GALNTL6: variants seen among roughly 807,000 people sequenced by gnomAD.
GALNTL6 encodes the protein polypeptide N-acetylgalactosaminyltransferase like 6, also known as polypeptide N-acetylgalactosaminyltransferase-like 6.
A neutral mutation model predicts 73.7 loss-of-function variants in GALNTL6; 46 were observed. That is an observed-to-expected ratio of 0.62 (90% CI 0.49 to 0.80). GALNTL6 has a LOEUF of 0.80. Ranked by LOEUF, GALNTL6 falls within the 30% of genes least tolerant of loss-of-function variation. GALNTL6 has a pLI of 0.00. For synonymous variants in GALNTL6, 259 were observed against 263.7 expected (o/e 0.98, Z 0.17); for missense variants, 604 against 755.0 (o/e 0.80, Z 2.34).
At chr4:172,738,461 C>G (rs1736596456) in intron 5 of GALNTL6, among the ~76,000 whole-genome samples, 1 of 152,100 alleles carries the variant, frequency 6.6e-6, no homozygotes, top group African/African-American at 2.4e-5. Context: ...TCTACACCAC[C>G]ATTTTGGATA....
intron 7 of GALNTL6, among the ~76,000 whole-genome samples, chr4:172,852,254 A>G (rs1210210127): frequency 6.6e-6 from 1 of 152,084 alleles, no homozygotes; most frequent in African/African-American, 2.4e-5. Flanking sequence ...GGGCAGCCTT[A>G]TTTGAGGGGC....
chr4:172,939,652 C>A (rs920666172), intron 9 of GALNTL6, among the ~76,000 whole-genome samples: 12 of 152,160 alleles, frequency 7.9e-5, no homozygotes, highest in Admixed American at 5.9e-4. Context: ...GATCAAGCCG[C>A]CCCTTTGTGA....
chr4:172,961,460 G>A (rs1374628496), intron 10 of GALNTL6, among the ~76,000 whole-genome samples: 1 of 152,204 alleles, frequency 6.6e-6, no homozygotes, highest in Non-Finnish European at 1.5e-5. Context: ...AAGGGTGAAG[G>A]ACCAAGGCAG....
intron 12 of GALNTL6, among the ~76,000 whole-genome samples, chr4:173,033,910 GC>G (rs1490463147): frequency 3.9e-5 from 6 of 152,138 alleles, no homozygotes; most frequent in African/African-American, 1.4e-4. Context: ...ACACAGAGGA[GC>G]TACCCTGAGA....
chr4:171,968,844 G>A (rs191120676), intron 2 of GALNTL6, among the ~76,000 whole-genome samples: 3 of 149,336 alleles, frequency 2.0e-5, no homozygotes, highest in Non-Finnish European at 4.4e-5. Flanking sequence ...TGCGGGGTGG[G>A]GGGGGGGTTG....
At chr4:171,879,580 A>T (rs1395998381) in intron 2 of GALNTL6, among the ~76,000 whole-genome samples, 4 of 152,222 alleles carry the variant, frequency 2.6e-5, no homozygotes, top group African/African-American at 9.6e-5. Flanking sequence ...TAGACAATTC[A>T]TCAGTTTGTT....
At chr4:172,165,139 C>T (rs1490200403) in intron 2 of GALNTL6, among the ~76,000 whole-genome samples, 2 of 152,062 alleles carry the variant, frequency 1.3e-5, no homozygotes, top group Non-Finnish European at 2.9e-5. Context: ...TTGATTATCT[C>T]TTCATTGATT....
At chr4:172,751,656 C>T (rs1737430606) in intron 5 of GALNTL6, among the ~76,000 whole-genome samples, 1 of 152,170 alleles carries the variant, frequency 6.6e-6, no homozygotes, top group South Asian at 2.1e-4. Context: ...CATTTTCAGA[C>T]TTCACAGCAC....
At chr4:172,075,222 T>A (rs962867733) in intron 2 of GALNTL6, among the ~76,000 whole-genome samples, 30 of 152,290 alleles carry the variant, frequency 2.0e-4, no homozygotes, top group African/African-American at 7.0e-4. Flanking sequence ...TACCTATCCA[T>A]CTAAATTCTA....
chr4:171,946,163 C>G (rs1015606806), intron 2 of GALNTL6, among the ~76,000 whole-genome samples: 3 of 152,074 alleles, frequency 2.0e-5, no homozygotes, highest in Admixed American at 2.0e-4. Context: ...CAAAACTGTC[C>G]TAATATCTAC....
At chr4:172,032,025 G>T (rs1741786259) in intron 2 of GALNTL6, among the ~76,000 whole-genome samples, 1 of 152,000 alleles carries the variant, frequency 6.6e-6, no homozygotes, top group Non-Finnish European at 1.5e-5. Flanking sequence ...TTTCTCAACT[G>T]ATATCACCCA....
intron 4 of GALNTL6, among the ~76,000 whole-genome samples, chr4:172,334,227 T>C (rs150542772): frequency 7.7e-4 from 118 of 152,328 alleles, no homozygotes; most frequent in African/African-American, 2.6e-3. Context: ...CTGCTTTGGC[T>C]ATTTGGGCTC....
intron 9 of GALNTL6, among the ~76,000 whole-genome samples, chr4:172,931,539 G>A (rs938479292): frequency 6.6e-6 from 1 of 152,124 alleles, no homozygotes; most frequent in African/African-American, 2.4e-5. Context: ...TTGTAGATGG[G>A]AAAATGAAGT....
At chr4:172,486,064 G>A (rs965772354) in intron 5 of GALNTL6, among the ~76,000 whole-genome samples, 1 of 152,138 alleles carries the variant, frequency 6.6e-6, no homozygotes, top group Non-Finnish European at 1.5e-5. Flanking sequence ...CATCTAAACT[G>A]CTCAGAGTAC....
At chr4:172,635,573 T>C (rs1739632029) in intron 5 of GALNTL6, among the ~76,000 whole-genome samples, 1 of 152,162 alleles carries the variant, frequency 6.6e-6, no homozygotes, top group South Asian at 2.1e-4. Context: ...CTCACAAATA[T>C]ACTTATTCAA....
chr4:172,872,266 G>A (rs910706113), intron 7 of GALNTL6, among the ~76,000 whole-genome samples: 4 of 152,124 alleles, frequency 2.6e-5, no homozygotes, highest in African/African-American at 9.7e-5. Flanking sequence ...GTCAGGGCGG[G>A]GGAGAAACTA....
chr4:172,481,922 G>C (rs868451609), intron 5 of GALNTL6, among the ~76,000 whole-genome samples: 18 of 152,218 alleles, frequency 1.2e-4, no homozygotes, highest in African/African-American at 4.1e-4. Context: ...GGGACTGAGC[G>C]TCAGGGAGCA....
intron 8 of GALNTL6, among the ~76,000 whole-genome samples, chr4:172,918,872 T>C (rs1385242109): frequency 6.6e-6 from 1 of 152,206 alleles, no homozygotes; most frequent in African/African-American, 2.4e-5. Flanking sequence ...ATTGTGAAAG[T>C]GTATCAACTT....
At chr4:171,936,474 G>A (rs1371712420) in intron 2 of GALNTL6, among the ~76,000 whole-genome samples, 6 of 151,956 alleles carry the variant, frequency 3.9e-5, no homozygotes, top group Non-Finnish European at 8.8e-5. Context: ...TGTAAGATAT[G>A]GATCATTTTC....
Sources: gnomAD v4.1 joint callset for allele counts (sites outside exome capture counted in the v4.1 genomes callset) on GRCh38, gnomAD v4.1.1 for gene constraint, MANE v1.5 for transcripts, NCBI Gene and HGNC (gene_info 2026-07-23, HGNC 2026-07-21) for gene names.